Variants in USP9X observed in about 807,000 individuals in gnomAD.
USP9X encodes ubiquitin carboxyl-terminal hydrolase 9X.
In USP9X, 7 loss-of-function variants were observed where a neutral mutation model predicts 190.3. The ratio of observed to expected loss-of-function variants is 0.04; its 90% confidence interval spans 0.02 to 0.07. The LOEUF (loss-of-function observed/expected upper bound fraction) is 0.07. Among genes scored for constraint, USP9X ranks in the 10% least tolerant of loss-of-function variants. The pLI is 1.00. For missense variants in USP9X, 1,010 were observed against 1,916.9 expected (o/e 0.53, Z 8.83); for synonymous variants, 645 against 659.5 (o/e 0.98, Z 0.34).
intron 24 of USP9X, 41 bp downstream of exon 24, chrX:41,186,683 T>C (rs1235391165): frequency 8.4e-7 from 1 of 1,189,505 alleles, no homozygotes; most frequent in African/African-American, 1.8e-5. Flanking sequence ...TTAACTTTCC[T>C]AGGCCCACTT....
chrX:41,230,532 A>G lies in USP9X; in HGVS notation c.7463A>G (p.His2488Arg). Residue 2488 changes from histidine to arginine, a missense_variant, in exon 44 of 45, where the codon CAT (histidine) becomes CGT (arginine). His to Arg is a conservative substitution (Grantham distance 29). Around this residue, in one of 11 missense-constraint regions of USP9X, gnomAD observed 48 missense variants for 60.4 expected, o/e 0.79. Coordinates refer to ENST00000378308, the MANE Select transcript of USP9X (RefSeq NM_001039591.3). ...EPDDQDAPDE[H>R]ESPPPEDAPL... ...GATGACCAAGATGCTCCAGATGAAC[A>G]TGAGTCGCCTCCACCTGAAGATGCC... is the stretch of plus-strand genomic sequence containing the variant. 1 of 1,211,390 alleles carries G rather than the reference A, an allele frequency of 8.3e-7. No homozygotes were observed. Among genetic ancestry groups the G allele is most frequent in the Non-Finnish European group, 1.1e-6 (1 of 895,339 alleles).
chrX:41,220,924 A>G (rs188046743), intron 38 of USP9X, among the ~76,000 whole-genome samples: 96 of 104,968 alleles, frequency 9.1e-4, no homozygotes, highest in African/African-American at 3.2e-3. Context: ...AGCCTGGGCA[A>G]CAGGGCAAGA....
intron 26 of USP9X, among the ~76,000 whole-genome samples, chrX:41,190,278 G>A (rs781553715): frequency 5.4e-5 from 6 of 111,326 alleles, no homozygotes; most frequent in African/African-American, 2.0e-4. Context: ...TACATGCTGT[G>A]GGGGGTAGGG....
chrX:41,108,885 C>T (rs1282771730), intron 1 of USP9X, among the ~76,000 whole-genome samples: 1 of 111,505 alleles, frequency 9.0e-6, no homozygotes, highest in Non-Finnish European at 1.9e-5. Context: ...GTCTGCCTCA[C>T]AAGTGGGGCC....
chrX:41,213,606 A>G (rs2063185187), intron 33 of USP9X, among the ~76,000 whole-genome samples: 1 of 111,879 alleles, frequency 8.9e-6, no homozygotes, highest in Non-Finnish European at 1.9e-5. Context: ...ATGCTTCACA[A>G]AGCCTAAGAT....
intron 32 of USP9X, among the ~76,000 whole-genome samples, chrX:41,208,414 C>A (rs1005485866): frequency 8.9e-6 from 1 of 111,939 alleles, no homozygotes; most frequent in Non-Finnish European, 1.9e-5. Context: ...TTCAGTTACT[C>A]GCTGTGCTAG....
intron 32 of USP9X, among the ~76,000 whole-genome samples, chrX:41,209,217 A>G (rs1466743738): frequency 8.9e-6 from 1 of 111,983 alleles, no homozygotes; most frequent in Admixed American, 9.5e-5. Flanking sequence ...TTTATAACTT[A>G]TCTCTCTATC....
chrX:41,209,477 T>G (rs1340850689), intron 32 of USP9X, among the ~76,000 whole-genome samples: 1 of 111,798 alleles, frequency 8.9e-6, no homozygotes, highest in Non-Finnish European at 1.9e-5. Flanking sequence ...CTCACTGCAC[T>G]GTATTGGGAG....
At chrX:41,230,849 A>C (rs2063353854) in intron 44 of USP9X, among the ~76,000 whole-genome samples, 1 of 111,549 alleles carries the variant, frequency 9.0e-6, no homozygotes, top group African/African-American at 3.3e-5. Flanking sequence ...AAACTGTATG[A>C]GAATTTATAT....
chrX:41,229,884 A>G, intron 43 of USP9X, 105 bp downstream of exon 43: 1 of 1,149,145 alleles, frequency 8.7e-7, no homozygotes, highest in Non-Finnish European at 1.2e-6. Flanking sequence ...TTAAAAGATT[A>G]TGTTGAAGTT....
intron 14 of USP9X, among the ~76,000 whole-genome samples, chrX:41,157,658 G>A (rs1297056864): frequency 9.0e-6 from 1 of 111,529 alleles, no homozygotes; most frequent in Non-Finnish European, 1.9e-5. Context: ...GCAAACGGGT[G>A]GGGGAAGGGA....
Position 41,134,845 on chromosome X carries a change from T to C in USP9X, c.435+8T>C, listed in dbSNP as rs2062357589. The C allele has an allele frequency of 8.5e-7, 1 of 1,177,240 alleles. No individual in the cohort carries two copies. Among genetic ancestry groups the C allele is most frequent in the Admixed American group, 2.2e-5 (1 of 45,657 alleles). On this transcript the variant is annotated splice_region_variant and intron_variant, in intron 5 of 44. Transcript: ENST00000378308. Reference sequence around the variant, plus strand: ...TGGAAGTTTGAAATTCATGTGAGTCTTGCATTTGACTTTAAAGGATCAGAT... The same window carrying C: ...TGGAAGTTTGAAATTCATGTGAGTCCTGCATTTGACTTTAAAGGATCAGAT...
At chrX:41,223,191 C>A in intron 38 of USP9X, 26 bp from the exon 39 acceptor site, 1 of 1,189,211 alleles carries the variant, frequency 8.4e-7, no homozygotes, top group South Asian at 1.9e-5. Context: ...TCTCTTTCTT[C>A]TCCCCTTCAC....
At chrX:41,180,859 A>G (rs1404559820) in intron 21 of USP9X, among the ~76,000 whole-genome samples, 1 of 112,268 alleles carries the variant, frequency 8.9e-6, no homozygotes, top group Non-Finnish European at 1.9e-5. Context: ...GTCTGTTGTA[A>G]GCTCTTAGCA....
intron 11 of USP9X, among the ~76,000 whole-genome samples, chrX:41,148,050 A>G (rs1197734090): frequency 9.0e-6 from 1 of 111,507 alleles, no homozygotes; most frequent in Non-Finnish European, 1.9e-5. Flanking sequence ...ACTAAATGCC[A>G]TTAGTACCCT....
intron 6 of USP9X, among the ~76,000 whole-genome samples, chrX:41,138,257 T>C (rs2062393297): frequency 9.0e-6 from 1 of 111,643 alleles, no homozygotes; most frequent in Admixed American, 9.6e-5. Flanking sequence ...TTTGGCAGCA[T>C]CTTCAACCAT....
chrX:41,150,923 C>T lies in USP9X; in HGVS notation c.1629C>T (p.Asp543=). The stretch of plus-strand genomic sequence containing the variant: ...AACATTGAAATCATTTGTTTAAGGA[C>T]CGTGATACACAAAAGATCCAATGGA... ...IKILDYSCSQ[D]RDTQKIQWID... is the part of the protein sequence containing the mutation. Residue 543 remains aspartate (D), a splice_region_variant and synonymous_variant, in exon 13 of 45, where the codon GAC becomes GAT. Transcript: ENST00000378308. The T allele has an allele frequency of 8.3e-7, 1 of 1,201,999 alleles. No individual in the cohort carries two copies. The highest frequency in any genetic ancestry group is 3.0e-5 in the East Asian group (1 of 33,588).
At chrX:41,164,339 G>A (rs1446661675) in intron 15 of USP9X, among the ~76,000 whole-genome samples, 5 of 104,232 alleles carry the variant, frequency 4.8e-5, no homozygotes, top group Non-Finnish European at 9.8e-5. Context: ...TTTGTTTAAA[G>A]TGCATTGTTT....
chrX:41,171,581 G>A (rs2062726018), intron 20 of USP9X: 2 of 359,728 alleles, frequency 5.6e-6, no homozygotes, highest in South Asian at 3.1e-5. Flanking sequence ...AGTCTAAATT[G>A]TATATATGAG....
Sources: gnomAD v4.1 joint callset for allele counts (sites outside exome capture counted in the v4.1 genomes callset) on GRCh38, gnomAD v4.1.1 for gene constraint, gnomAD v4.1.1 regional missense constraint, MANE v1.5 for transcripts, NCBI Gene and HGNC (gene_info 2026-07-23, HGNC 2026-07-21) for gene names.